ZNF827: variants seen among roughly 807,000 people sequenced by gnomAD.
ZNF827 encodes the protein zinc finger protein 827.
ZNF827 carries 13 observed loss-of-function variants against 102.4 expected under a neutral mutation model. The ratio of observed to expected loss-of-function variants is 0.13; its 90% CI spans 0.08 to 0.20. The LOEUF is 0.20. ZNF827 is among the 10% of genes least tolerant of loss of function. ZNF827 has a pLI of 1.00. For synonymous variants in ZNF827, 523 were observed against 536.2 expected (o/e 0.98, Z 0.34); for missense variants, 1,103 against 1,344.4 (o/e 0.82, Z 2.81).
chr4:145,772,882 G>A (rs1046188041), intron 11 of ZNF827, among the ~76,000 whole-genome samples: 1 of 152,200 alleles, frequency 6.6e-6, no homozygotes, highest in African/African-American at 2.4e-5. Flanking sequence ...TTCATTCCCT[G>A]TGGTAATTAC....
At position 145,758,361 on chromosome 4, in the gene ZNF827, A is replaced by T. The variant is rs569570847; in HGVS notation, c.*3255T>A. ...TGAAAGTTTCAACCCTAGACCTCCTATTGCACAAGTGGCATGCTGTAAAAC... is the reference window on the plus strand; with the variant it reads ...TGAAAGTTTCAACCCTAGACCTCCTTTTGCACAAGTGGCATGCTGTAAAAC... On this transcript the variant is annotated 3_prime_UTR_variant, in exon 15 of 15. Coordinates refer to ENST00000508784, the MANE Select transcript of ZNF827 (RefSeq NM_001306215.2). 1 of 152,292 alleles carries T rather than the reference A, an allele frequency of 6.6e-6. No homozygotes were observed. Among genetic ancestry groups the T allele is most frequent in the South Asian group, 2.1e-4 (1 of 4,818 alleles). 9.4% of individuals were successfully genotyped at this position (152,292 alleles called of 1,614,324 possible).
At chr4:145,900,413 C>A (rs1036454755) in intron 2 of ZNF827, among the ~76,000 whole-genome samples, 12 of 151,650 alleles carry the variant, frequency 7.9e-5, no homozygotes, top group African/African-American at 2.7e-4. Context: ...TTATTATTTT[C>A]TTTTTTTTAT....
intron 7 of ZNF827, among the ~76,000 whole-genome samples, chr4:145,825,213 G>C (rs140021789): frequency 2.0e-4 from 31 of 152,344 alleles, no homozygotes; most frequent in East Asian, 5.8e-4. Context: ...GGGATGGACA[G>C]TAGGGTCATT....
chr4:145,796,723 G>A (rs1317517857), intron 8 of ZNF827, among the ~76,000 whole-genome samples: 3 of 145,324 alleles, frequency 2.1e-5, no homozygotes, highest in African/African-American at 5.2e-5. Flanking sequence ...TCTGCCTCCC[G>A]GGTGCAAGCA....
At chr4:145,790,155 A>G (rs1368295951) in intron 8 of ZNF827, among the ~76,000 whole-genome samples, 1 of 152,246 alleles carries the variant, frequency 6.6e-6, no homozygotes, top group Non-Finnish European at 1.5e-5. Context: ...GGTGACAGCA[A>G]ATCTTTAAAT....
intron 1 of ZNF827, among the ~76,000 whole-genome samples, chr4:145,931,218 A>C (rs1753780028): frequency 6.6e-6 from 1 of 152,204 alleles, no homozygotes; most frequent in South Asian, 2.1e-4. Flanking sequence ...TCTCTTATAA[A>C]ATATGATAGA....
rs762376070 is a variant in ZNF827, at chr4:145,849,446, T to G, written c.2097A>C (p.Leu699Phe). ...AGGGTTCGGTTTTCTCTCGCCCGATTAAAGTGCTGTAGCCAACATTCCGGC... is the reference window on the plus strand; with the variant it reads ...AGGGTTCGGTTTTCTCTCGCCCGATGAAAGTGCTGTAGCCAACATTCCGGC... Reference protein sequence around the residue: ...SPSRNVGYSTLIGREKTEPLQ... With the variant: ...SPSRNVGYSTFIGREKTEPLQ... Residue 699 changes from leucine (L) to phenylalanine (F), a missense_variant, in exon 6 of 15, where the codon TTA becomes TTC. Physicochemically the swap from Leu to Phe is conservative, Grantham distance 22. Around this residue, in one of 5 missense-constraint regions of ZNF827, gnomAD observed 243 missense variants for 251.6 expected, o/e 0.97. Transcript: ENST00000508784. 3 of 1,614,174 alleles carry G rather than the reference T, an allele frequency of 1.9e-6. 1 individual carries two copies. In the South Asian group the frequency reaches 3.3e-5, roughly 18 times the overall value.
chr4:145,837,377 T>C (rs1290391187), intron 7 of ZNF827, among the ~76,000 whole-genome samples: 1 of 152,200 alleles, frequency 6.6e-6, no homozygotes, highest in African/African-American at 2.4e-5. Context: ...CTCAGAATGC[T>C]ACAGGGTACA....
chr4:145,761,645 A>C lies in ZNF827; in HGVS notation c.*18-47T>G, dbSNP rs1424790736. On this transcript the variant is annotated intron_variant, in intron 14 of 14. Transcript: ENST00000508784. The surrounding 1 kb of genome is among the most constrained non-coding windows in gnomAD (Gnocchi z 6.8). ...GGGAGGTTCAGCCGGGAAGGTTCGG[A>C]GGCAGCCGCGCTTCTCGCCGCCTCA... The C allele has an allele frequency of 8.7e-7, 1 of 1,151,766 alleles. No individual in the cohort carries two copies. The highest frequency in any genetic ancestry group is 1.1e-6 in the Non-Finnish European group (1 of 886,842). 71.3% of individuals were successfully genotyped at this position (1,151,766 alleles called of 1,614,324 possible). A position where few individuals can be genotyped will look rare whatever the true frequency, so the allele number is the denominator to read the frequency against.
chr4:145,909,677 A>G (rs941446702), intron 1 of ZNF827, among the ~76,000 whole-genome samples: 1 of 152,208 alleles, frequency 6.6e-6, no homozygotes, highest in Non-Finnish European at 1.5e-5. Context: ...TGACCTCTAT[A>G]ATGTTTAATA....
rs7662416 is a variant in ZNF827, at chr4:145,823,276, A to C, written c.2383+146T>G. ...TTATTTTAATAAACTTTTGTAGCTTAAATTGAGTTTCTCCTTCTTTTCTAA... is the reference window on the plus strand; with the variant it reads ...TTATTTTAATAAACTTTTGTAGCTTCAATTGAGTTTCTCCTTCTTTTCTAA... On this transcript the variant is annotated intron_variant, in intron 8 of 14. Transcript: ENST00000508784. 4,930 of 638,954 alleles carry C rather than the reference A, an allele frequency of 7.7e-3. 180 individuals carry two copies. The African/African-American group carries it at 0.081, about 10-fold the overall frequency. 39.6% of individuals were successfully genotyped at this position (638,954 alleles called of 1,614,324 possible).
intron 1 of ZNF827, among the ~76,000 whole-genome samples, chr4:145,908,947 A>G (rs760822942): frequency 2.0e-5 from 3 of 152,258 alleles, no homozygotes; most frequent in Non-Finnish European, 4.4e-5. Flanking sequence ...TTTTAATAGT[A>G]GACAAAAATT....
chr4:145,934,303 C>T (rs1297454493), intron 1 of ZNF827, among the ~76,000 whole-genome samples: 9 of 152,178 alleles, frequency 5.9e-5, no homozygotes, highest in South Asian at 2.1e-4. Context: ...ACAGTATAGG[C>T]CATCTTTTTC....
At chr4:145,877,906 T>C (rs1436454361) in intron 4 of ZNF827, among the ~76,000 whole-genome samples, 1 of 152,160 alleles carries the variant, frequency 6.6e-6, no homozygotes. Flanking sequence ...GTATTTTAAA[T>C]TCCCACTATT....
At chr4:145,913,168 A>G (rs1457733273) in intron 1 of ZNF827, among the ~76,000 whole-genome samples, 1 of 152,154 alleles carries the variant, frequency 6.6e-6, no homozygotes, top group Non-Finnish European at 1.5e-5. Flanking sequence ...GCTCACACCT[A>G]TAATCCCAGC....
At chr4:145,887,111 A>G (rs1336644216) in intron 3 of ZNF827, among the ~76,000 whole-genome samples, 1 of 152,220 alleles carries the variant, frequency 6.6e-6, no homozygotes, top group Non-Finnish European at 1.5e-5. Context: ...CCTTAAGTAG[A>G]ACTGCCAATT....
At chr4:145,835,810 A>C (rs13144876) in intron 7 of ZNF827, among the ~76,000 whole-genome samples, 70,076 of 134,486 alleles carry the variant, frequency 0.52, 19,033 homozygotes, top group East Asian at 0.86. Context: ...CCTTTTAAAG[A>C]CTATAAACTC....
chr4:145,814,039 T>TCCCAAATCCGGAAAC (rs1353877265), intron 8 of ZNF827, among the ~76,000 whole-genome samples: 3 of 152,142 alleles, frequency 2.0e-5, no homozygotes, highest in Admixed American at 6.5e-5. Flanking sequence ...AGGTTGAGCC[T>TCCCAAATCCGGAAAC]CCCAAATCCG....
At chr4:145,930,951 TTTTAA>T (rs1753759767) in intron 1 of ZNF827, among the ~76,000 whole-genome samples, 1 of 152,224 alleles carries the variant, frequency 6.6e-6, no homozygotes, top group South Asian at 2.1e-4. Flanking sequence ...CAAAGTCTGA[TTTTAA>T]TTTATGAAAC....
Sources: gnomAD v4.1 joint callset for allele counts (sites outside exome capture counted in the v4.1 genomes callset) on GRCh38, gnomAD v4.1.1 for gene constraint, gnomAD v4.1.1 regional missense constraint, Gnocchi (gnomAD v3.1) non-coding constraint, MANE v1.5 for transcripts, NCBI Gene and HGNC (gene_info 2026-07-23, HGNC 2026-07-21) for gene names.